WDR43: variants seen among roughly 807,000 people sequenced by gnomAD.
The protein encoded by WDR43 is WD repeat-containing protein 43.
Under a neutral mutation model 91.4 loss-of-function variants are expected in WDR43, and 13 were observed. The ratio of observed to expected loss-of-function variants is 0.14; its 90% CI spans 0.09 to 0.23. The LOEUF (loss-of-function observed/expected upper bound fraction) is 0.23. Among genes scored for constraint, WDR43 ranks in the 10% least tolerant of loss-of-function variants. The pLI is 1.00. For synonymous variants in WDR43, 331 were observed against 287.9 expected, an observed-to-expected ratio of 1.15 and a Z score of -1.51; for missense variants, 780 against 809.4, an observed-to-expected ratio of 0.96 and a Z score of 0.44.
At chr2:28,895,882 C>A (rs531915511) in intron 1 of WDR43, 1 of 152,286 alleles carries the variant, frequency 6.6e-6, no homozygotes, top group Admixed American at 6.5e-5. Flanking sequence ...TGAGCTGTTT[C>A]AATGTGGAGA....
At chr2:28,911,165 T>G (rs1025459870) in intron 3 of WDR43, among the ~76,000 whole-genome samples, 3 of 152,174 alleles carry the variant, frequency 2.0e-5, no homozygotes, top group African/African-American at 7.2e-5. Context: ...TTTAAATACT[T>G]TTAAATTTAA....
At chr2:28,903,549 G>GC (rs1307476393) in intron 2 of WDR43, among the ~76,000 whole-genome samples, 4 of 152,242 alleles carry the variant, frequency 2.6e-5, no homozygotes, top group Admixed American at 2.6e-4. Flanking sequence ...TGTATTACTT[G>GC]TTTTTATATT....
chr2:28,926,182 G>C (rs1312774547), intron 8 of WDR43, among the ~76,000 whole-genome samples: 1 of 150,764 alleles, frequency 6.6e-6, no homozygotes, highest in Non-Finnish European at 1.5e-5. Flanking sequence ...AAATTCTGTT[G>C]AACTTTAAAA....
chr2:28,895,017 C>G (rs906744601), intron 1 of WDR43, 94 bp downstream of exon 1: 34 of 1,269,058 alleles, frequency 2.7e-5, no homozygotes, highest in Non-Finnish European at 2.6e-5. Flanking sequence ...TCGCGCGTGG[C>G]TCTCAGCGGC....
intron 2 of WDR43, 100 bp from the exon 3 acceptor site, chr2:28,906,360 G>GA (rs1670678441): frequency 5.7e-6 from 7 of 1,221,214 alleles, no homozygotes; most frequent in Non-Finnish European, 7.7e-6. Context: ...ACTGGCTCAT[G>GA]CCTGTAATCC....
At chr2:28,908,821 C>T (rs1670733281) in intron 3 of WDR43, among the ~76,000 whole-genome samples, 1 of 152,170 alleles carries the variant, frequency 6.6e-6, no homozygotes, top group South Asian at 2.1e-4. Flanking sequence ...TCTTTTCCCC[C>T]TTCCAGTTCT....
At position 28,906,534 on chromosome 2, in the gene WDR43, T is replaced by A. The variant is rs2148180829; in HGVS notation, c.438T>A (p.Asp146Glu). 1 of 1,609,318 alleles carries A rather than the reference T, an allele frequency of 6.2e-7. No homozygotes were observed. Among genetic ancestry groups the A allele is most frequent in the East Asian group, 2.2e-5 (1 of 44,794 alleles). ...GTGGCTGTTTATATAGTTGTTCAGA[T>A]GATAAACATATTGTGGAATGGAACG... ...QDSGCLYSCS[D>E]DKHIVEWNVQ... Residue 146 changes from aspartate (D) to glutamate (E), a missense_variant, in exon 3 of 18, where the codon GAT becomes GAA. Physicochemically the swap from Asp to Glu is conservative, Grantham distance 45. Transcript: ENST00000407426.
At chr2:28,917,786 C>A in intron 5 of WDR43, 107 bp from the exon 6 acceptor site, 1 of 930,118 alleles carries the variant, frequency 1.1e-6, no homozygotes, top group Non-Finnish European at 1.6e-6. Context: ...GATGACAAAG[C>A]TATTGGGAAT....
chr2:28,918,638 G>C (rs1395764750), intron 6 of WDR43, among the ~76,000 whole-genome samples: 2 of 152,070 alleles, frequency 1.3e-5, no homozygotes, highest in East Asian at 1.9e-4. Context: ...CAAAGTGCTG[G>C]GATTACAGGT....
chr2:28,908,300 G>A (rs938645837), intron 3 of WDR43, among the ~76,000 whole-genome samples: 1 of 152,162 alleles, frequency 6.6e-6, no homozygotes, highest in Admixed American at 6.5e-5. Context: ...CAGACAGGGT[G>A]GTGCTAGAGG....
At chr2:28,917,841 G>A (rs1287896719) in intron 5 of WDR43, 52 bp from the exon 6 acceptor site, 1 of 1,513,704 alleles carries the variant, frequency 6.6e-7, no homozygotes, top group Non-Finnish European at 8.9e-7. Flanking sequence ...TGCCTTTTTA[G>A]GAAGAAAATT....
chr2:28,940,158 C>T (rs911588081), intron 14 of WDR43, among the ~76,000 whole-genome samples: 23 of 146,860 alleles, frequency 1.6e-4, no homozygotes, highest in African/African-American at 5.7e-4. Flanking sequence ...TGTAGTGCTA[C>T]AGGGACAGAT....
chr2:28,929,623 C>T lies in WDR43; in HGVS notation c.1350C>T (p.His450=), dbSNP rs781393971. ...TGGGAGCAATGGATATAGACACACA[C>T]AAAAAAGGAAAGGAAGACCTCCAGA... The part of the protein sequence containing the change: ...ERLGAMDIDT[H]KKGKEDLQTN... Residue 450 remains histidine, a synonymous_variant, in exon 11 of 18, where the codon CAC becomes CAT. Transcript: ENST00000407426. 5.8e-5 allele frequency: 93 copies of T among 1,613,160 alleles called. No homozygotes were observed. The highest frequency in any genetic ancestry group is 7.6e-5 in the Non-Finnish European group (90 of 1,179,618).
intron 11 of WDR43, chr2:28,930,195 TA>T: frequency 2.2e-6 from 1 of 447,950 alleles, no homozygotes. Context: ...GGTTATGTTG[TA>T]AAATATGTAG....
In WDR43 at chr2:28,923,002, A is replaced by G. The variant is rs1334781078; in HGVS notation, c.914+19A>G. ...TAAATGGGTAAGTAAGAAATTTTCC[A>G]AGTAAGAAATTTGTTTCTTTCCCTG... On this transcript the variant is annotated intron_variant, in intron 7 of 17. Transcript: ENST00000407426. The G allele has an allele frequency of 1.2e-6, 2 of 1,604,052 alleles. No homozygotes were observed. The highest frequency in any genetic ancestry group is 2.2e-5 in the East Asian group (1 of 44,772).
intron 6 of WDR43, among the ~76,000 whole-genome samples, chr2:28,921,613 A>G (rs571737598): frequency 9.2e-5 from 14 of 152,254 alleles, no homozygotes; most frequent in Non-Finnish European, 1.5e-4. Flanking sequence ...CAACCTTTCT[A>G]TAGACAGTTA....
In WDR43 at chr2:28,926,533, A is replaced by G. The variant is rs1671146927; in HGVS notation, c.1152A>G (p.Lys384=). ...VRDISNCWAP[K]VETAITKVRT... ...ATATTTCAAACTGCTGGGCCCCCAA[A>G]GTAGAAACAGCTATAACAAAGGTGA... is the stretch of plus-strand genomic sequence containing the variant. Residue 384 remains lysine (K), a synonymous_variant, in exon 9 of 18, where the codon AAA becomes AAG. Transcript: ENST00000407426. 3.1e-6 allele frequency: 5 copies of G among 1,597,744 alleles called. No individual in the cohort carries two copies. In the South Asian group the frequency reaches 5.7e-5, roughly 18 times the overall value.
Position 28,926,479 on chromosome 2 carries a change from C to T in WDR43, c.1098C>T (p.Ser366=), listed in dbSNP as rs1227508477. ...AAATATATTTTCAGGCTTTAAACTC[C>T]AGAGAACCTCATATGTGTTTAGTAA... is the stretch of plus-strand genomic sequence containing the variant. The part of the protein sequence containing the change: ...QPTIERVALN[S]REPHMCLVRD... The change falls in exon 9 of 18, where the codon TCC becomes TCT. Residue 366 remains serine (S), a synonymous_variant. Coordinates refer to ENST00000407426, the MANE Select transcript of WDR43 (RefSeq NM_015131.3). 1 of 1,579,048 alleles carries T rather than the reference C, an allele frequency of 6.3e-7. No homozygotes were observed. The highest frequency in any genetic ancestry group is 1.3e-5 in the African/African-American group (1 of 74,108).
intron 8 of WDR43, 35 bp downstream of exon 8, chr2:28,925,188 G>T (rs1339810101): frequency 2.6e-6 from 4 of 1,558,362 alleles, no homozygotes; most frequent in Non-Finnish European, 3.5e-6. Context: ...AAGCAATATA[G>T]CATCCCTGTG....
Sources: allele counts gnomAD v4.1 joint callset (sites outside exome capture counted in the v4.1 genomes callset), GRCh38; gene constraint gnomAD v4.1.1; transcripts MANE v1.5; gene names NCBI Gene and HGNC (gene_info 2026-07-23, HGNC 2026-07-21).